The following NLGN1 variants were observed in gnomAD, a reference collection of about 807,000 sequenced individuals.
NLGN1 encodes neuroligin 1.
In NLGN1, 12 loss-of-function variants were observed where a neutral mutation model predicts 65.5. The observed-to-expected ratio is 0.18, with a 90% confidence interval of 0.12 to 0.30. NLGN1 has a LOEUF of 0.30. NLGN1 is among the 10% of genes least tolerant of loss of function. The pLI is 1.00. For synonymous variants in NLGN1, 350 were observed against 359.5 expected, an observed-to-expected ratio of 0.97 and a Z score of 0.30; for missense variants, 750 against 1,007.1, an observed-to-expected ratio of 0.74 and a Z score of 3.46.
chr3:174,291,211 G>A (rs1488389995), downstream of NLGN1, among the ~76,000 whole-genome samples: 3 of 149,260 alleles, frequency 2.0e-5, no homozygotes, highest in South Asian at 2.1e-4. Context: ...GGAGAAATAA[G>A]AAAAAAAATC....
intron 4 of NLGN1, among the ~76,000 whole-genome samples, chr3:173,886,972 A>G (rs938017773): frequency 2.0e-5 from 3 of 152,088 alleles, no homozygotes; most frequent in Admixed American, 1.3e-4. Context: ...ATAATTTATC[A>G]GAGACAAAAT....
At chr3:174,152,711 G>C (rs969076744) in intron 4 of NLGN1, among the ~76,000 whole-genome samples, 1 of 151,850 alleles carries the variant, frequency 6.6e-6, no homozygotes, top group African/African-American at 2.4e-5. Context: ...AGGTTTAAAG[G>C]ACATATCATT....
At chr3:173,725,826 C>T (rs577323724) in intron 3 of NLGN1, among the ~76,000 whole-genome samples, 3 of 152,172 alleles carry the variant, frequency 2.0e-5, no homozygotes, top group South Asian at 2.1e-4. Context: ...GCATTCATCT[C>T]CTTATAGTTT....
intron 4 of NLGN1, among the ~76,000 whole-genome samples, chr3:174,083,660 T>C (rs1742691222): frequency 6.6e-6 from 1 of 152,170 alleles, no homozygotes; most frequent in Non-Finnish European, 1.5e-5. Context: ...GGAAAGTTCA[T>C]AGGCTGATGC....
intron 4 of NLGN1, among the ~76,000 whole-genome samples, chr3:174,118,659 C>T (rs969136935): frequency 2.0e-5 from 3 of 151,788 alleles, no homozygotes; most frequent in Non-Finnish European, 4.4e-5. Context: ...TCAGCAAGTA[C>T]ATATGGGGTG....
At chr3:173,827,005 A>G (rs1721468701) in intron 4 of NLGN1, among the ~76,000 whole-genome samples, 1 of 152,212 alleles carries the variant, frequency 6.6e-6, no homozygotes, top group African/African-American at 2.4e-5. Flanking sequence ...TGTGATCTCC[A>G]GAGAGGAAGC....
intron 4 of NLGN1, among the ~76,000 whole-genome samples, chr3:174,071,497 C>T (rs2152534947): frequency 6.6e-6 from 1 of 152,118 alleles, no homozygotes; most frequent in Non-Finnish European, 1.5e-5. Flanking sequence ...GCCTGAGGAA[C>T]ATGGCAAAAC....
At chr3:173,408,240 A>T (rs1026609108) in intron 1 of NLGN1, among the ~76,000 whole-genome samples, 1 of 152,034 alleles carries the variant, frequency 6.6e-6, no homozygotes, top group African/African-American at 2.4e-5. Context: ...TCAACATGGT[A>T]CTCCAAGCAG....
chr3:173,481,731 T>C (rs554132101), intron 2 of NLGN1, among the ~76,000 whole-genome samples: 4 of 151,996 alleles, frequency 2.6e-5, no homozygotes, highest in East Asian at 3.9e-4. Flanking sequence ...TTAAATCATA[T>C]GGTTTTTAAG....
At chr3:174,273,891 C>G (rs1168143007) in intron 4 of NLGN1, among the ~76,000 whole-genome samples, 1 of 150,156 alleles carries the variant, frequency 6.7e-6, no homozygotes, top group Non-Finnish European at 1.5e-5. Context: ...AATTTCTTAT[C>G]CATATATTCA....
At chr3:173,848,249 T>C (rs1423295883) in intron 4 of NLGN1, among the ~76,000 whole-genome samples, 1 of 152,206 alleles carries the variant, frequency 6.6e-6, no homozygotes, top group Non-Finnish European at 1.5e-5. Context: ...AAGCATGAAC[T>C]CAATAGTAGC....
At chr3:173,585,376 C>G (rs1329321166) in intron 2 of NLGN1, among the ~76,000 whole-genome samples, 2 of 151,986 alleles carry the variant, frequency 1.3e-5, no homozygotes, top group East Asian at 3.9e-4. Context: ...GCGGAAAAGC[C>G]CAAGTAGAAA....
chr3:173,752,054 T>C (rs889907759), intron 3 of NLGN1, among the ~76,000 whole-genome samples: 1 of 152,106 alleles, frequency 6.6e-6, no homozygotes, highest in Non-Finnish European at 1.5e-5. Flanking sequence ...AATTGTGAAC[T>C]CTTTACCAGG....
chr3:173,617,898 C>A (rs947205196), intron 3 of NLGN1, among the ~76,000 whole-genome samples: 3 of 152,122 alleles, frequency 2.0e-5, no homozygotes, highest in African/African-American at 7.2e-5. Context: ...ATTTCCCTCC[C>A]CTGACAAATA....
At chr3:173,592,028 A>G (rs1748581114) in intron 2 of NLGN1, among the ~76,000 whole-genome samples, 1 of 152,162 alleles carries the variant, frequency 6.6e-6, no homozygotes. Context: ...GGTTTTAAAA[A>G]TGTATCCTGT....
chr3:173,732,955 G>A (rs1578173964), intron 3 of NLGN1, among the ~76,000 whole-genome samples: 1 of 152,144 alleles, frequency 6.6e-6, no homozygotes, highest in East Asian at 1.9e-4. Flanking sequence ...GAGTATTGGT[G>A]ATGAACCACA....
intron 4 of NLGN1, among the ~76,000 whole-genome samples, chr3:173,895,085 A>T (rs1180027237): frequency 1.3e-5 from 2 of 150,272 alleles, no homozygotes; most frequent in Non-Finnish European, 3.0e-5. Context: ...GGAGGGGGGG[A>T]GTTGTTGATC....
At chr3:174,061,474 TA>T (rs1737400192) in intron 4 of NLGN1, among the ~76,000 whole-genome samples, 1 of 152,106 alleles carries the variant, frequency 6.6e-6, no homozygotes, top group African/African-American at 2.4e-5. Flanking sequence ...GCTAGAGGGA[TA>T]AAGCATGTCA....
intron 4 of NLGN1, among the ~76,000 whole-genome samples, chr3:174,093,528 A>G (rs2152566345): frequency 6.6e-6 from 1 of 152,310 alleles, no homozygotes; most frequent in Non-Finnish European, 1.5e-5. Context: ...TCTGAAGCAA[A>G]CTGATTAATA....
Sources: allele counts gnomAD v4.1 joint callset (sites outside exome capture counted in the v4.1 genomes callset), GRCh38; gene constraint gnomAD v4.1.1; transcripts MANE v1.5; gene names NCBI Gene and HGNC (gene_info 2026-07-23, HGNC 2026-07-21).